The following SH3BGRL2 variants were observed in gnomAD, a reference collection of about 807,000 sequenced individuals.
The protein encoded by SH3BGRL2 is SH3 domain binding glutamate rich protein like 2, also known as SH3 domain-binding glutamic acid-rich-like protein 2.
SH3BGRL2 carries 21 observed loss-of-function variants against 14.8 expected under a neutral mutation model. The observed-to-expected ratio is 1.42, with a 90% confidence interval of 1.01 to 2.05. The LOEUF (loss-of-function observed/expected upper bound fraction) is 2.05, where lower values mean the gene tolerates loss of function less well. Among genes scored for constraint, SH3BGRL2 ranks in the 30% most tolerant of loss-of-function variants. The pLI, the probability that SH3BGRL2 is intolerant of heterozygous loss-of-function variation, is 0.00. For synonymous variants in SH3BGRL2, 50 were observed against 47.8 expected (o/e 1.05, Z -0.19); for missense variants, 147 against 130.8 (o/e 1.12, Z -0.61).
At chr6:79,573,835 T>G in the SH3BGRL2 span, 1 of 152,240 alleles carries the variant, frequency 6.6e-6, no homozygotes, top group East Asian at 1.9e-4. Context: ...GTTTAACAAT[T>G]TGTCATTAGT....
chr6:79,657,890 G>A (rs1769457168), intron 1 of SH3BGRL2, among the ~76,000 whole-genome samples: 1 of 152,218 alleles, frequency 6.6e-6, no homozygotes, highest in African/African-American at 2.4e-5. Flanking sequence ...GTATGATCTG[G>A]AATGTGAAGG....
the SH3BGRL2 span, among the ~76,000 whole-genome samples, chr6:79,616,892 A>G: frequency 6.6e-6 from 1 of 152,162 alleles, no homozygotes; most frequent in Non-Finnish European, 1.5e-5. Context: ...ACTTTTGATT[A>G]TGAAAAAAAT....
At chr6:79,668,349 G>T (rs796679606) in intron 1 of SH3BGRL2, among the ~76,000 whole-genome samples, 4 of 152,278 alleles carry the variant, frequency 2.6e-5, no homozygotes, top group Admixed American at 1.3e-4. Context: ...GAGGTTGCCA[G>T]TGAAGGTTCC....
the SH3BGRL2 span, among the ~76,000 whole-genome samples, chr6:79,617,929 A>G: frequency 6.6e-6 from 1 of 152,200 alleles, no homozygotes; most frequent in Non-Finnish European, 1.5e-5. Context: ...AAAAGTATGG[A>G]ATTTCTGTGA....
chr6:79,537,687 C>T, the SH3BGRL2 span, among the ~76,000 whole-genome samples: 14 of 151,904 alleles, frequency 9.2e-5, no homozygotes, highest in Non-Finnish European at 1.6e-4. Flanking sequence ...TCGTGGGCTC[C>T]GAGAGGGACG....
chr6:79,574,197 A>G, the SH3BGRL2 span: 1 of 152,246 alleles, frequency 6.6e-6, no homozygotes, highest in Non-Finnish European at 1.5e-5. Flanking sequence ...TATTAACAGC[A>G]TCTTCAACAA....
chr6:79,579,966 A>G, the SH3BGRL2 span, among the ~76,000 whole-genome samples: 1 of 152,230 alleles, frequency 6.6e-6, no homozygotes, highest in African/African-American at 2.4e-5. Context: ...TATCAAGCAA[A>G]TGGAAAGCAA....
At chr6:79,613,021 C>T in the SH3BGRL2 span, among the ~76,000 whole-genome samples, 1 of 152,184 alleles carries the variant, frequency 6.6e-6, no homozygotes, top group African/African-American at 2.4e-5. Flanking sequence ...TGGAAGGAGG[C>T]TTTCCCCAGG....
the SH3BGRL2 span, among the ~76,000 whole-genome samples, chr6:79,577,635 T>C: frequency 6.6e-5 from 10 of 152,156 alleles, no homozygotes. Context: ...TACATTAAAA[T>C]CTAAACAAAG....
chr6:79,667,935 C>A (rs1769693275), intron 1 of SH3BGRL2, among the ~76,000 whole-genome samples: 2 of 152,054 alleles, frequency 1.3e-5, no homozygotes, highest in East Asian at 1.9e-4. Flanking sequence ...CTCTGTGGCT[C>A]ATTTGTCTTC....
chr6:79,647,343 C>T (rs1431571474), intron 1 of SH3BGRL2, among the ~76,000 whole-genome samples: 22 of 151,072 alleles, frequency 1.5e-4, no homozygotes, highest in African/African-American at 5.1e-4. Flanking sequence ...TTTTTAAAAT[C>T]TCTTCTAGCT....
chr6:79,538,254 A>C, the SH3BGRL2 span, among the ~76,000 whole-genome samples: 1 of 151,840 alleles, frequency 6.6e-6, no homozygotes, highest in Non-Finnish European at 1.5e-5. Flanking sequence ...TTAATTTCTC[A>C]CTGGCCTTTT....
At chr6:79,593,298 A>AC in the SH3BGRL2 span, among the ~76,000 whole-genome samples, 4 of 152,346 alleles carry the variant, frequency 2.6e-5, no homozygotes, top group South Asian at 8.3e-4. Flanking sequence ...GTGTGTTTAT[A>AC]CAAGAAGCAG....
the SH3BGRL2 span, among the ~76,000 whole-genome samples, chr6:79,607,618 G>C: frequency 6.8e-4 from 103 of 152,132 alleles, no homozygotes; most frequent in Non-Finnish European, 1.3e-3. Flanking sequence ...GTCTGTTCTC[G>C]TGTTGCTATA....
At chr6:79,694,802 G>A (rs1414374053) in intron 2 of SH3BGRL2, among the ~76,000 whole-genome samples, 1 of 151,940 alleles carries the variant, frequency 6.6e-6, no homozygotes, top group Non-Finnish European at 1.5e-5. Context: ...AAATGTATCT[G>A]CAGCCTGTCT....
the SH3BGRL2 span, among the ~76,000 whole-genome samples, chr6:79,605,288 A>G: frequency 1.3e-5 from 2 of 152,216 alleles, no homozygotes; most frequent in African/African-American, 4.8e-5. Context: ...CATCTGCTCT[A>G]GGGGTGTAGC....
chr6:79,645,154 C>A (rs1486237260), intron 1 of SH3BGRL2, among the ~76,000 whole-genome samples: 249 of 119,890 alleles, frequency 2.1e-3, no homozygotes, highest in Admixed American at 2.5e-3. Context: ...GAGTCCGTCT[C>A]AAAAAAAAAA....
At chr6:79,695,547 T>TCAC (rs1770314547) in intron 2 of SH3BGRL2, among the ~76,000 whole-genome samples, 1 of 152,132 alleles carries the variant, frequency 6.6e-6, no homozygotes, top group Non-Finnish European at 1.5e-5. Flanking sequence ...CACCCTAGAG[T>TCAC]ACAGAAAGTG....
upstream of SH3BGRL2, among the ~76,000 whole-genome samples, chr6:79,628,515 C>G (rs1768771280): frequency 6.6e-6 from 1 of 152,092 alleles, no homozygotes; most frequent in Admixed American, 6.5e-5. Context: ...GCTACCCGCT[C>G]TATCTGTAGA....
Sources: allele counts gnomAD v4.1 joint callset (sites outside exome capture counted in the v4.1 genomes callset), GRCh38; gene constraint gnomAD v4.1.1; transcripts MANE v1.5; gene names NCBI Gene and HGNC (gene_info 2026-07-23, HGNC 2026-07-21).